PCDH15: variants seen among roughly 807,000 people sequenced by gnomAD.
PCDH15 encodes protocadherin-15.
Under a neutral mutation model 178.5 loss-of-function variants are expected in PCDH15, and 129 were observed. The observed-to-expected ratio is 0.72, with a 90% CI of 0.63 to 0.84. The LOEUF (loss-of-function observed/expected upper bound fraction) is 0.84, where lower values mean the gene tolerates loss of function less well. Among genes scored for constraint, PCDH15 ranks in the 40% least tolerant of loss-of-function variants. PCDH15 has a pLI of 0.00. For missense variants in PCDH15, 2,230 were observed against 2,099.9 expected (o/e 1.06, Z -1.21); for synonymous variants, 800 against 732.0 (o/e 1.09, Z -1.50).
chr10:55,305,484 C>A (rs1398075881), intron 1 of PCDH15, among the ~76,000 whole-genome samples: 2 of 152,214 alleles, frequency 1.3e-5, no homozygotes. Context: ...CTGAGGCCCC[C>A]AGGCACTGTT....
intron 2 of PCDH15, among the ~76,000 whole-genome samples, chr10:55,467,855 ACTCCCGGAGG>A (rs1839865517): frequency 1.4e-5 from 2 of 148,134 alleles, no homozygotes; most frequent in African/African-American, 5.0e-5. Flanking sequence ...AGTCCCAGCT[ACTCCCGGAGG>A]CTGAGGCAGG....
In PCDH15 at chr10:53,806,658, C is replaced by T; in HGVS notation, c.5144G>A (p.Ser1715Asn). 2 of 1,613,828 alleles carry T rather than the reference C, an allele frequency of 1.2e-6. No individual in the cohort carries two copies. The highest frequency in any genetic ancestry group is 1.7e-6 in the Non-Finnish European group (2 of 1,179,778). The change falls in exon 38 of 38, where the codon AGT (serine) becomes AAT (asparagine). Residue 1715 changes from serine (S) to asparagine (N), a missense_variant. Coordinates refer to ENST00000644397, the MANE Select transcript of PCDH15 (RefSeq NM_001384140.1). ...KNIKEALEFHSDHTQSDDEEL... is the reference protein window; with the variant it reads ...KNIKEALEFHNDHTQSDDEEL... ...TTCATCATCAGACTGTGTGTGGTCA[C>T]TATGAAATTCCAAAGCCTCCTTGAT... is the stretch of plus-strand genomic sequence containing the variant.
intron 2 of PCDH15, among the ~76,000 whole-genome samples, chr10:55,379,819 G>A (rs916328138): frequency 6.6e-6 from 1 of 152,028 alleles, no homozygotes; most frequent in African/African-American, 2.4e-5. Context: ...AAAAAAGAGG[G>A]GGAAACAATA....
intron 1 of PCDH15, among the ~76,000 whole-genome samples, chr10:55,262,095 G>GAGAGA (rs10686582): frequency 0.64 from 79,526 of 124,044 alleles, 25,631 homozygotes; most frequent in East Asian, 0.89. Flanking sequence ...AGGAGGAGAG[G>GAGAGA]AGAGAAGAGA....
chr10:55,302,589 A>C (rs1413905926), intron 1 of PCDH15, among the ~76,000 whole-genome samples: 2 of 152,096 alleles, frequency 1.3e-5, no homozygotes, highest in African/African-American at 2.4e-5. Context: ...TTAAGGCTTC[A>C]AGTGGTTGGA....
chr10:55,342,681 G>A (rs1844638419), intron 2 of PCDH15, among the ~76,000 whole-genome samples: 1 of 152,086 alleles, frequency 6.6e-6, no homozygotes, highest in Admixed American at 6.6e-5. Context: ...ATTAGAAGCA[G>A]CCTCTCTCCT....
chr10:55,571,113 G>C (rs1456119926), intron 2 of PCDH15, among the ~76,000 whole-genome samples: 3 of 151,978 alleles, frequency 2.0e-5, no homozygotes, highest in Non-Finnish European at 2.9e-5. Context: ...GAATACCTTC[G>C]TGCCTTCCCT....
chr10:55,362,272 T>A (rs888823193), intron 2 of PCDH15, among the ~76,000 whole-genome samples: 2 of 152,172 alleles, frequency 1.3e-5, no homozygotes, highest in African/African-American at 4.8e-5. Flanking sequence ...TTTTTTATTT[T>A]GCAGAATTTC....
At chr10:55,226,596 G>C in intron 1 of PCDH15, among the ~76,000 whole-genome samples, 1 of 151,834 alleles carries the variant, frequency 6.6e-6, no homozygotes, top group Non-Finnish European at 1.5e-5. Flanking sequence ...TGGCCAGGCT[G>C]GTCTCGAACT....
intron 2 of PCDH15, among the ~76,000 whole-genome samples, chr10:55,024,413 A>G (rs964060270): frequency 4.7e-5 from 7 of 147,452 alleles, no homozygotes; most frequent in African/African-American, 1.7e-4. Flanking sequence ...GATTTCATAT[A>G]TATATAGAAA....
rs1215013394 is a variant in PCDH15 at position 55,512,126 on chromosome 10, T to C, written c.-156+115499A>G. On this transcript the variant is annotated intron_variant, in intron 2 of 5. Transcript: ENST00000613346. ...TGCTGGAAACGAGAGGTATTAACTT[T>C]ACCTAAAACTAGTCCATTTTCTTAA... 3.3e-5 allele frequency among the ~76,000 whole-genome samples: 5 copies of C among 152,060 alleles called. No homozygotes were observed. The South Asian group carries it at 8.3e-4, about 25-fold the overall frequency.
chr10:54,528,310 T>C (rs1417063248), intron 2 of PCDH15: 1 of 1,326,284 alleles, frequency 7.5e-7, no homozygotes, highest in Non-Finnish European at 1.1e-6. Flanking sequence ...ATTTTAATAA[T>C]GTTCTAAAGA....
At position 54,566,438 on chromosome 10, in the gene PCDH15, A is replaced by G. The variant is rs117385835; in HGVS notation, c.92-38561T>C. 3.5e-4 allele frequency among the ~76,000 whole-genome samples: 54 copies of G among 152,256 alleles called. 2 individuals are homozygous for G. In the East Asian group the frequency reaches 8.9e-3, roughly 25 times the overall value. ...TATAATGAGATGTTTCTATCATTAT[A>G]GTATCATACAGACTTATTTTCACTG... On this transcript the variant is annotated intron_variant, in intron 2 of 37. Transcript: ENST00000644397.
At chr10:55,289,669 C>T (rs983699777) in intron 1 of PCDH15, among the ~76,000 whole-genome samples, 1 of 151,934 alleles carries the variant, frequency 6.6e-6, no homozygotes, top group African/African-American at 2.4e-5. Context: ...CCAAATTGTT[C>T]CATTTAATTA....
intron 2 of PCDH15, among the ~76,000 whole-genome samples, chr10:54,999,397 A>G (rs1349775495): frequency 6.6e-6 from 1 of 152,200 alleles, no homozygotes; most frequent in African/African-American, 2.4e-5. Flanking sequence ...AATGGTATTT[A>G]TGTTCAAGGT....
chr10:55,135,917 A>T (rs1027333211), intron 2 of PCDH15, among the ~76,000 whole-genome samples: 2 of 152,116 alleles, frequency 1.3e-5, no homozygotes, highest in African/African-American at 2.4e-5. Flanking sequence ...TTGAATTTGT[A>T]TATAGCATCT....
At chr10:55,200,689 G>T (rs35430965) in intron 1 of PCDH15, among the ~76,000 whole-genome samples, 3 of 151,908 alleles carry the variant, frequency 2.0e-5, no homozygotes, top group Non-Finnish European at 2.9e-5. Flanking sequence ...AATTTCTAGC[G>T]TTGAAGGAAA....
At chr10:54,932,814 G>T (rs1591792135) in intron 2 of PCDH15, among the ~76,000 whole-genome samples, 1 of 152,078 alleles carries the variant, frequency 6.6e-6, no homozygotes, top group African/African-American at 2.4e-5. Flanking sequence ...TGGGATTACA[G>T]ATGTGAGCCA....
At chr10:53,875,054 A>T (rs972804993) in intron 26 of PCDH15, among the ~76,000 whole-genome samples, 2 of 152,072 alleles carry the variant, frequency 1.3e-5, no homozygotes, top group African/African-American at 4.8e-5. Context: ...AAAAAAAAAA[A>T]GTTTGAGATA....
Sources: allele counts gnomAD v4.1 joint callset (sites outside exome capture counted in the v4.1 genomes callset), GRCh38; gene constraint gnomAD v4.1.1; transcripts MANE v1.5; gene names NCBI Gene and HGNC (gene_info 2026-07-23, HGNC 2026-07-21).